The following AFAP1L1 variants were observed in gnomAD, a reference collection of about 807,000 sequenced individuals.
AFAP1L1 encodes the protein actin filament-associated protein 1-like 1.
Under a neutral mutation model 99.8 loss-of-function variants are expected in AFAP1L1, and 77 were observed. The observed-to-expected ratio is 0.77, with a 90% CI of 0.64 to 0.93. The LOEUF is 0.93. AFAP1L1 is among the 40% of genes least tolerant of loss of function. The probability of loss-of-function intolerance (pLI) is 0.00; values close to 1 mark genes in which losing one functional copy is unlikely to be tolerated. For missense variants in AFAP1L1, 893 were observed against 996.8 expected (o/e 0.90, Z 1.40); for synonymous variants, 373 against 395.3 (o/e 0.94, Z 0.67).
At chr5:149,323,331 C>T (rs1411481946) in intron 15 of AFAP1L1, among the ~76,000 whole-genome samples, 1 of 152,360 alleles carries the variant, frequency 6.6e-6, no homozygotes, top group East Asian at 1.9e-4. Flanking sequence ...TAGCACCCCC[C>T]AGGAGCTCAG....
intron 1 of AFAP1L1, among the ~76,000 whole-genome samples, chr5:149,299,031 T>C (rs942487802): frequency 6.6e-5 from 10 of 152,186 alleles, no homozygotes. Flanking sequence ...AAACAGAAGG[T>C]TCCAGAGATT....
chr5:149,331,474 G>C (rs1267351875), intron 16 of AFAP1L1, among the ~76,000 whole-genome samples: 1 of 152,056 alleles, frequency 6.6e-6, no homozygotes, highest in East Asian at 1.9e-4. Flanking sequence ...CAAAACATTA[G>C]CCGGGTGTGG....
At chr5:149,305,419 T>C (rs957016231) in intron 5 of AFAP1L1, among the ~76,000 whole-genome samples, 9 of 152,222 alleles carry the variant, frequency 5.9e-5, no homozygotes, top group East Asian at 1.9e-4. Context: ...TCCCAACTCA[T>C]TGGAGTCCAG....
chr5:149,278,661 A>C (rs1049536108), intron 1 of AFAP1L1, among the ~76,000 whole-genome samples: 1 of 152,218 alleles, frequency 6.6e-6, no homozygotes, highest in East Asian at 1.9e-4. Flanking sequence ...CAGTCTTTGT[A>C]AAGCAAGAAG....
Position 149,302,447 on chromosome 5 carries a change from C to A in AFAP1L1, c.357C>A (p.Asn119Lys), listed in dbSNP as rs1296498096. The change falls in exon 5 of 19, where the codon AAC becomes AAA. Residue 119 changes from asparagine to lysine, a missense_variant. Physicochemically the swap from Asn to Lys is moderately conservative, Grantham distance 94 (BLOSUM62 0). Transcript: ENST00000296721. ...NAADLPPPLP[N>K]KPPPEDYYEE... ...CCGACCTGCCTCCACCGCTCCCCAACAAGCCTCCCCCTGAGGACTACTATG... is the reference window on the plus strand; with the variant it reads ...CCGACCTGCCTCCACCGCTCCCCAAAAAGCCTCCCCCTGAGGACTACTATG... The A allele has an allele frequency of 3.1e-6, 5 of 1,594,594 alleles. No homozygotes were observed. Among genetic ancestry groups the A allele is most frequent in the Non-Finnish European group, 4.3e-6 (5 of 1,170,790 alleles).
chr5:149,309,800 G>A (rs574983324), intron 7 of AFAP1L1, among the ~76,000 whole-genome samples, 156 bp from the exon 8 acceptor site: 9 of 152,296 alleles, frequency 5.9e-5, no homozygotes, highest in African/African-American at 2.2e-4. Flanking sequence ...TGAACAGCCT[G>A]GACCCTTCAG....
At chr5:149,283,798 C>T in intron 1 of AFAP1L1, among the ~76,000 whole-genome samples, 1 of 152,048 alleles carries the variant, frequency 6.6e-6, no homozygotes, top group East Asian at 1.9e-4. Context: ...TCCACTTGGA[C>T]CAAAAAGAAA....
Position 149,306,509 on chromosome 5 carries a change from C to T in AFAP1L1, c.535+105C>T, listed in dbSNP as rs373926033. On this transcript the variant is annotated intron_variant, in intron 6 of 18. Coordinates refer to ENST00000296721, the MANE Select transcript of AFAP1L1 (RefSeq NM_152406.4). ...TGGGTGTGCCCACCAGCCCCTCACC[C>T]AGACCATGGTCACTAGAGAGGCCCC... 9.4e-6 allele frequency: 10 copies of T among 1,060,870 alleles called. No individual in the cohort carries two copies. The East Asian group carries it at 2.1e-4, about 22-fold the overall frequency. 65.7% of individuals were successfully genotyped at this position (1,060,870 alleles called of 1,614,324 possible).
intron 9 of AFAP1L1, among the ~76,000 whole-genome samples, chr5:149,312,928 A>G (rs1486596142): frequency 1.3e-5 from 2 of 151,996 alleles, no homozygotes; most frequent in Non-Finnish European, 2.9e-5. Context: ...GGAGTTCGAG[A>G]CCAGCCTGAC....
chr5:149,306,343 C>G lies in AFAP1L1; in HGVS notation c.474C>G (p.Tyr158Ter), dbSNP rs759142458. The G allele has an allele frequency of 1.6e-5, 26 of 1,613,654 alleles. No homozygotes were observed. The South Asian group carries it at 2.9e-4, about 18-fold the overall frequency. Residue 158 changes from tyrosine to a stop codon, truncating the protein, a stop_gained, in exon 6 of 19, where the codon TAC (tyrosine) becomes TAG (stop). Coordinates refer to ENST00000296721, the MANE Select transcript of AFAP1L1 (RefSeq NM_152406.4). LOFTEE classifies it high-confidence loss of function. Reference sequence around the variant, plus strand: ...CCTCACACTCGATTGTGGATGGCTACTATGAGGACGCAGACAGCAGCTACC... The same window carrying G: ...CCTCACACTCGATTGTGGATGGCTAGTATGAGGACGCAGACAGCAGCTACC... ...CSPSHSIVDG[Y>*]YEDADSSYPA...
At chr5:149,339,708 G>T (rs1757507112) in intron 18 of AFAP1L1, among the ~76,000 whole-genome samples, 1 of 152,144 alleles carries the variant, frequency 6.6e-6, no homozygotes, top group Admixed American at 6.5e-5. Context: ...CATGGATCTT[G>T]TTCTAACATA....
chr5:149,301,318 T>C, intron 4 of AFAP1L1, 88 bp downstream of exon 4: 1 of 1,252,512 alleles, frequency 8.0e-7, no homozygotes, highest in Non-Finnish European at 1.1e-6. Context: ...CTGGGTGCTC[T>C]CCTGGCGGTT....
chr5:149,279,487 C>A (rs937183877), intron 1 of AFAP1L1, among the ~76,000 whole-genome samples: 9 of 151,262 alleles, frequency 5.9e-5, no homozygotes, highest in Admixed American at 2.0e-4. Flanking sequence ...CTAAAGCATT[C>A]TTTTTTTAAA....
At position 149,329,738 on chromosome 5, in the gene AFAP1L1, A is replaced by G; in HGVS notation, c.1883A>G (p.Lys628Arg). The G allele has an allele frequency of 1.2e-6, 2 of 1,614,116 alleles. No homozygotes were observed. Among genetic ancestry groups the G allele is most frequent in the Non-Finnish European group, 1.7e-6 (2 of 1,180,012 alleles). ...CGGAGGTACTTGGTAGAAAAAGAGA[A>G]GCTGGAGAAAGAGAAAGAGACGATT... is the stretch of plus-strand genomic sequence containing the variant. ...DARRYLVEKEKLEKEKETIRT... is the reference protein window; with the variant it reads ...DARRYLVEKERLEKEKETIRT... The change falls in exon 16 of 19, where the codon AAG becomes AGG. Residue 628 changes from lysine to arginine, a missense_variant. Transcript: ENST00000296721.
chr5:149,295,087 G>GC (rs1450370984), intron 1 of AFAP1L1, among the ~76,000 whole-genome samples: 1 of 152,212 alleles, frequency 6.6e-6, no homozygotes, highest in Non-Finnish European at 1.5e-5. Flanking sequence ...GCTGTGCTTT[G>GC]CCCCATGGTT....
At chr5:149,322,553 T>C in intron 14 of AFAP1L1, 53 bp from the exon 15 acceptor site, 1 of 1,347,960 alleles carries the variant, frequency 7.4e-7, no homozygotes. Flanking sequence ...ACACCCTGCA[T>C]TGATGAGTCT....
chr5:149,301,736 G>A (rs953293501), intron 4 of AFAP1L1, among the ~76,000 whole-genome samples: 1 of 152,156 alleles, frequency 6.6e-6, no homozygotes, highest in African/African-American at 2.4e-5. Flanking sequence ...CGCAACCTTG[G>A]GGCCATGGAA....
At chr5:149,325,954 T>C (rs1335951078) in intron 15 of AFAP1L1, among the ~76,000 whole-genome samples, 1 of 152,176 alleles carries the variant, frequency 6.6e-6, no homozygotes, top group Non-Finnish European at 1.5e-5. Context: ...TGCAGTTAAA[T>C]TTCATTATGA....
intron 9 of AFAP1L1, among the ~76,000 whole-genome samples, chr5:149,312,822 AAGAAAG>A (rs1005683735): frequency 7.9e-5 from 12 of 151,088 alleles, no homozygotes; most frequent in Middle Eastern, 3.5e-3. Flanking sequence ...GAGAGAAAGA[AAGAAAG>A]AGAAAGAGAA....
Sources: allele counts gnomAD v4.1 joint callset (sites outside exome capture counted in the v4.1 genomes callset), GRCh38; gene constraint gnomAD v4.1.1; transcripts MANE v1.5; gene names NCBI Gene and HGNC (gene_info 2026-07-23, HGNC 2026-07-21).